OSBPL8: variants seen among roughly 807,000 people sequenced by gnomAD.
OSBPL8 encodes oxysterol-binding protein-related protein 8.
Under a neutral mutation model 125.5 loss-of-function variants are expected in OSBPL8, and 59 were observed. The ratio of observed to expected loss-of-function variants is 0.47; its 90% CI spans 0.38 to 0.58. OSBPL8 has a LOEUF of 0.58. Among genes scored for constraint, OSBPL8 ranks in the 20% least tolerant of loss-of-function variants. The probability of loss-of-function intolerance (pLI) is 0.00; values close to 1 mark genes in which losing one functional copy is unlikely to be tolerated. For synonymous variants in OSBPL8, 330 were observed against 338.9 expected (o/e 0.97, Z 0.29); for missense variants, 758 against 1,047.8 (o/e 0.72, Z 3.82).
Position 76,523,182 on chromosome 12 carries a change from G to A in OSBPL8, c.-67-35564C>T, listed in dbSNP as rs566995789. Among the ~76,000 whole-genome samples the A allele has an allele frequency of 3.9e-5, 6 of 152,302 alleles. No individual in the cohort carries two copies. The South Asian group carries it at 1.2e-3, about 32-fold the overall frequency. ...CCAGTAAGAAATTGTTATTTCTACT[G>A]TGTTAACCTGTATTATCTGCTCAAA... On this transcript the variant is annotated intron_variant, in intron 1 of 23. Coordinates refer to ENST00000261183, the MANE Select transcript of OSBPL8 (RefSeq NM_020841.5).
At chr12:76,537,707 A>G (rs539395899) in intron 1 of OSBPL8, among the ~76,000 whole-genome samples, 51 of 152,162 alleles carry the variant, frequency 3.4e-4, no homozygotes, top group Non-Finnish European at 2.1e-4. Context: ...TCAGGAGTTC[A>G]AGACCAGCCT....
At chr12:76,434,737 C>T (rs1186945727) in intron 4 of OSBPL8, among the ~76,000 whole-genome samples, 2 of 152,084 alleles carry the variant, frequency 1.3e-5, no homozygotes, top group East Asian at 3.9e-4. Context: ...AGAAGATATA[C>T]AAATGGCCAT....
chr12:76,525,105 G>A (rs374861691), intron 1 of OSBPL8, among the ~76,000 whole-genome samples: 1 of 152,110 alleles, frequency 6.6e-6, no homozygotes, highest in Non-Finnish European at 1.5e-5. Flanking sequence ...AGAAACCTAT[G>A]GCTTAAAAGA....
Position 76,356,736 on chromosome 12 carries a change from GAC to G in OSBPL8, c.2435-10_2435-9del. The G allele has an allele frequency of 6.5e-7, 1 of 1,544,618 alleles. No individual in the cohort carries two copies. The highest frequency in any genetic ancestry group is 1.1e-5 in the South Asian group (1 of 87,478). On this transcript the variant is annotated splice_polypyrimidine_tract_variant and intron_variant, in intron 22 of 23. Transcript: ENST00000261183. The stretch of plus-strand genomic sequence containing the variant: ...TTGGTTTTACTGATTGAGCTAAAAA[GAC>G]ATTTAGAATGAAGTTGAAACTATAA...
intron 1 of OSBPL8, among the ~76,000 whole-genome samples, chr12:76,508,226 C>A (rs1880617468): frequency 6.6e-6 from 1 of 151,912 alleles, no homozygotes; most frequent in African/African-American, 2.4e-5. Context: ...ACATCACTTA[C>A]CTTAATTTCA....
chr12:76,493,121 T>C (rs1026400836), intron 1 of OSBPL8, among the ~76,000 whole-genome samples: 6 of 152,184 alleles, frequency 3.9e-5, no homozygotes, highest in African/African-American at 7.2e-5. Context: ...AGCAAGTCCA[T>C]TGCCTTCTCT....
rs1872705454 is a variant in OSBPL8, at chr12:76,446,178, A to AT, written c.217+4672dup. 4.6e-5 allele frequency among the ~76,000 whole-genome samples: 7 copies of AT among 152,334 alleles called. No individual in the cohort carries two copies. The South Asian group carries it at 1.4e-3, about 32-fold the overall frequency. Reference sequence around the variant, plus strand: ...TTAAATGTTATGCACTATATTATCAATAAGCTTTTGGAACTCTAATTCTTT... The same window carrying AT: ...TTAAATGTTATGCACTATATTATCAATTAAGCTTTTGGAACTCTAATTCTTT... On this transcript the variant is annotated intron_variant, in intron 4 of 23. Coordinates refer to ENST00000261183, the MANE Select transcript of OSBPL8 (RefSeq NM_020841.5).
chr12:76,547,666 C>T (rs1950818381), intron 1 of OSBPL8, among the ~76,000 whole-genome samples: 1 of 152,194 alleles, frequency 6.6e-6, no homozygotes, highest in African/African-American at 2.4e-5. Flanking sequence ...ACCCCTCACC[C>T]ATCTAGATAC....
chr12:76,481,155 T>G (rs188217325), intron 2 of OSBPL8, among the ~76,000 whole-genome samples: 2 of 152,298 alleles, frequency 1.3e-5, no homozygotes, highest in East Asian at 3.9e-4. Context: ...AAAACAACCC[T>G]GCTAACACTT....
At chr12:76,393,627 C>T (rs908396312) in intron 9 of OSBPL8, among the ~76,000 whole-genome samples, 4 of 135,714 alleles carry the variant, frequency 2.9e-5, no homozygotes, top group African/African-American at 2.8e-5. Flanking sequence ...AGGAGAATGG[C>T]GTGAACCCGG....
rs770428021 is a variant in OSBPL8, at chr12:76,386,678, A to G, written c.1353-18T>C. 1.9e-6 allele frequency: 3 copies of G among 1,571,058 alleles called. No homozygotes were observed. The highest frequency in any genetic ancestry group is 2.6e-6 in the Non-Finnish European group (3 of 1,155,792). ...GAGCTGCCCTAAAACACAAAACGGT[A>G]AACAAAAATTTTAAAAAATGTATCA... is the stretch of plus-strand genomic sequence containing the variant. On this transcript the variant is annotated intron_variant, in intron 12 of 23. Transcript: ENST00000261183.
chr12:76,537,233 TACA>T (rs1198147279), intron 1 of OSBPL8, among the ~76,000 whole-genome samples: 1 of 152,134 alleles, frequency 6.6e-6, no homozygotes, highest in Non-Finnish European at 1.5e-5. Context: ...ACTAATCAGC[TACA>T]ACAAGAATTA....
chr12:76,538,054 T>C (rs572139622), intron 1 of OSBPL8: 1 of 152,336 alleles, frequency 6.6e-6, no homozygotes, highest in South Asian at 2.1e-4. Context: ...TGTTATATAG[T>C]GGCAGTCAGC....
In OSBPL8 at chr12:76,559,725, A is replaced by G. The variant is rs1951218714; in HGVS notation, c.-396T>C. 1 of 152,076 alleles carries G rather than the reference A, an allele frequency of 6.6e-6. No homozygotes were observed. The highest frequency in any genetic ancestry group is 6.5e-5 in the Admixed American group (1 of 15,280). The allele number at this position is 152,076 out of a possible 1,614,324, so 9.4% of individuals were successfully genotyped here. A position where few individuals can be genotyped will look rare whatever the true frequency, so the allele number is the denominator to read the frequency against. ...ACACTACAGCCGCCGCCTGGCCAGG[A>G]GCGCGTCGCGGCCTAATGTTGTCAT... On this transcript the variant is annotated 5_prime_UTR_variant, in exon 1 of 24. Coordinates refer to ENST00000261183, the MANE Select transcript of OSBPL8 (RefSeq NM_020841.5).
intron 15 of OSBPL8, among the ~76,000 whole-genome samples, chr12:76,381,670 C>T (rs1376806523): frequency 6.6e-6 from 1 of 151,770 alleles, no homozygotes; most frequent in East Asian, 1.9e-4. Context: ...ACTCACTTAA[C>T]CCTACTTGTA....
At chr12:76,403,299 G>A (rs914445334) in intron 5 of OSBPL8, among the ~76,000 whole-genome samples, 1 of 152,128 alleles carries the variant, frequency 6.6e-6, no homozygotes, top group Non-Finnish European at 1.5e-5. Flanking sequence ...CCTACCTATC[G>A]AGTGAGTAGG....
chr12:76,429,381 G>A (rs1425558662), intron 4 of OSBPL8, among the ~76,000 whole-genome samples: 2 of 151,680 alleles, frequency 1.3e-5, no homozygotes, highest in Admixed American at 1.3e-4. Flanking sequence ...CTTAGTTTCC[G>A]CTCTTACTGA....
chr12:76,488,215 C>T (rs1878360134), intron 1 of OSBPL8, among the ~76,000 whole-genome samples: 1 of 151,950 alleles, frequency 6.6e-6, no homozygotes, highest in African/African-American at 2.4e-5. Context: ...TACAGACATA[C>T]AATAGAATAT....
At chr12:76,400,019 G>T in intron 6 of OSBPL8, 45 bp from the exon 7 acceptor site, 1 of 1,441,428 alleles carries the variant, frequency 6.9e-7, no homozygotes, top group South Asian at 1.3e-5. Flanking sequence ...CAACAGAAAT[G>T]AGCAATTTAT....
Sources: allele counts gnomAD v4.1 joint callset (sites outside exome capture counted in the v4.1 genomes callset), GRCh38; gene constraint gnomAD v4.1.1; transcripts MANE v1.5; gene names NCBI Gene and HGNC (gene_info 2026-07-23, HGNC 2026-07-21).